Variants in VWA8 observed in about 807,000 individuals in gnomAD.
The protein encoded by VWA8 is von Willebrand factor A domain containing 8.
A neutral mutation model predicts 241.5 loss-of-function variants in VWA8; 221 were observed. The ratio of observed to expected loss-of-function variants is 0.91; its 90% confidence interval spans 0.82 to 1.02. The LOEUF is 1.02. Ranked by LOEUF, VWA8 falls within the 50% of genes least tolerant of loss-of-function variation. The probability of loss-of-function intolerance (pLI) is 0.00; values close to 1 mark genes in which losing one functional copy is unlikely to be tolerated. For synonymous variants in VWA8, 852 were observed against 827.1 expected (o/e 1.03, Z -0.52); for missense variants, 2,322 against 2,328.7 (o/e 1.00, Z 0.06).
intron 20 of VWA8, 83 bp downstream of exon 20, chr13:41,777,902 T>C (rs528941446): frequency 8.1e-7 from 1 of 1,227,356 alleles, no homozygotes; most frequent in African/African-American, 1.5e-5. Flanking sequence ...AAAAAATAAC[T>C]GATTCCAACA....
At chr13:41,798,893 A>T (rs1869823915) in intron 17 of VWA8, among the ~76,000 whole-genome samples, 1 of 152,134 alleles carries the variant, frequency 6.6e-6, no homozygotes, top group African/African-American at 2.4e-5. Flanking sequence ...TCTTTTCAAT[A>T]GTCTAATTTA....
intron 26 of VWA8, among the ~76,000 whole-genome samples, chr13:41,707,887 T>G (rs1474716031): frequency 6.6e-6 from 1 of 152,124 alleles, no homozygotes; most frequent in Non-Finnish European, 1.5e-5. Flanking sequence ...TATATTCCTT[T>G]CTGGGAAAAA....
At chr13:41,824,717 G>C (rs1871107517) in intron 14 of VWA8, among the ~76,000 whole-genome samples, 1 of 151,866 alleles carries the variant, frequency 6.6e-6, no homozygotes, top group Non-Finnish European at 1.5e-5. Flanking sequence ...TGTAGTTCCA[G>C]CTATTCAAAA....
chr13:41,569,907 C>T (rs1206000949), intron 44 of VWA8, among the ~76,000 whole-genome samples: 1 of 151,936 alleles, frequency 6.6e-6, no homozygotes, highest in Non-Finnish European at 1.5e-5. Context: ...TATGTTGTCG[C>T]CAAGTGTTTC....
chr13:41,688,783 G>A (rs1382576422), intron 34 of VWA8, among the ~76,000 whole-genome samples: 1 of 151,972 alleles, frequency 6.6e-6, no homozygotes, highest in South Asian at 2.1e-4. Flanking sequence ...GAGGACATAC[G>A]GACACAAAGA....
intron 4 of VWA8, chr13:41,905,128 C>T (rs1286269848): frequency 6.6e-6 from 1 of 152,006 alleles, no homozygotes; most frequent in Non-Finnish European, 1.5e-5. Flanking sequence ...GTGCTTGCTT[C>T]GGCAGCACAT....
chr13:41,713,231 T>C lies in VWA8; in HGVS notation c.3116+6360A>G, dbSNP rs551222286. Among the ~76,000 whole-genome samples the C allele has an allele frequency of 7.9e-5, 12 of 152,286 alleles. 1 individual carries two copies. Among genetic ancestry groups the C allele is most frequent in the African/African-American group, 2.9e-4 (12 of 41,568 alleles). On this transcript the variant is annotated intron_variant, in intron 26 of 44. Transcript: ENST00000379310. ...AAGAGGACAAAATGAAAAATTCCAG[T>C]GTCCGGAGAGTCAATAGACATTTTA...
In VWA8 at chr13:41,567,469, A is replaced by T. The variant is rs1359237677; in HGVS notation, c.*728T>A. 2 of 152,218 alleles carry T rather than the reference A, an allele frequency of 1.3e-5. No homozygotes were observed. Among genetic ancestry groups the T allele is most frequent in the Non-Finnish European group, 2.9e-5 (2 of 68,042 alleles). 9.4% of individuals were successfully genotyped at this position (152,218 alleles called of 1,614,324 possible). On this transcript the variant is annotated 3_prime_UTR_variant, in exon 45 of 45. Coordinates refer to ENST00000379310, the MANE Select transcript of VWA8 (RefSeq NM_015058.2). ...GCTAGAAGAACAGAAGAAACAGTAAACTTTTAAGGCAAGACATCTTTCTCC... is the reference window on the plus strand; with the variant it reads ...GCTAGAAGAACAGAAGAAACAGTAATCTTTTAAGGCAAGACATCTTTCTCC...
rs775115533 is a variant in VWA8, at chr13:41,907,644, T to C, written c.425A>G (p.Glu142Gly). Residue 142 changes from glutamate to glycine, a missense_variant, in exon 4 of 45, where the codon GAA (glutamate) becomes GGA (glycine). Glu to Gly is a moderately conservative substitution (Grantham distance 98). Coordinates refer to ENST00000379310, the MANE Select transcript of VWA8 (RefSeq NM_015058.2). ...EYIALSRDTT[E>G]TDLKQRREIR... ...CTCTCGTCGCTGTTTGAGATCAGTT[T>C]CAGTGGTGTCCCTTGACAGGGCAAT... 1 of 1,614,192 alleles carries C rather than the reference T, an allele frequency of 6.2e-7. No homozygotes were observed. The highest frequency in any genetic ancestry group is 1.7e-5 in the Admixed American group (1 of 60,030).
chr13:41,592,587 G>A (rs1242496158), intron 40 of VWA8, among the ~76,000 whole-genome samples: 1 of 146,324 alleles, frequency 6.8e-6, no homozygotes, highest in South Asian at 2.1e-4. Context: ...AAAAAAAGAC[G>A]TTATAGCTTT....
chr13:41,787,411 A>G, intron 18 of VWA8, 26 bp downstream of exon 18: 2 of 1,536,280 alleles, frequency 1.3e-6, no homozygotes, highest in Non-Finnish European at 1.8e-6. Flanking sequence ...TTTCACTTAA[A>G]AAAAAGAGCC....
At chr13:41,580,106 T>C (rs902274471) in intron 42 of VWA8, among the ~76,000 whole-genome samples, 7 of 151,924 alleles carry the variant, frequency 4.6e-5, no homozygotes, top group Admixed American at 4.6e-4. Flanking sequence ...AAACCCGCCC[T>C]GGCCTCCCAA....
intron 12 of VWA8, among the ~76,000 whole-genome samples, chr13:41,851,153 T>C (rs1190701195): frequency 2.0e-5 from 3 of 152,180 alleles, no homozygotes. Context: ...TTGTACCCTT[T>C]GACTAACACT....
intron 17 of VWA8, among the ~76,000 whole-genome samples, chr13:41,789,934 A>G (rs1262767997): frequency 2.0e-5 from 3 of 152,192 alleles, no homozygotes; most frequent in African/African-American, 7.2e-5. Flanking sequence ...TTAATTACTC[A>G]GGAAGGTTTT....
chr13:41,937,487 T>C (rs1593883397), intron 2 of VWA8, among the ~76,000 whole-genome samples: 1 of 152,268 alleles, frequency 6.6e-6, no homozygotes, highest in East Asian at 1.9e-4. Flanking sequence ...CCTATAAGAA[T>C]CTAATGTCAC....
In VWA8 at chr13:41,568,294, G is replaced by A. The variant is rs773225203; in HGVS notation, c.5621C>T (p.Thr1874Ile). The A allele has an allele frequency of 1.9e-6, 3 of 1,614,088 alleles. No homozygotes were observed. Among genetic ancestry groups the A allele is most frequent in the Middle Eastern group, 1.6e-4 (1 of 6,062 alleles). The change falls in exon 45 of 45, where the codon ACT (threonine) becomes ATT (isoleucine). Residue 1874 changes from threonine to isoleucine, a missense_variant. Coordinates refer to ENST00000379310, the MANE Select transcript of VWA8 (RefSeq NM_015058.2). The stretch of plus-strand genomic sequence containing the variant: ...AACGAAAGACCGACCAGCTGGTAAA[G>A]TTCTCTGAAGCCTGCCAGGATGGAA... Reference protein sequence around the residue: ...LGDQATRLQRTLPAGRSFVAM... With the variant: ...LGDQATRLQRILPAGRSFVAM...
At chr13:41,836,504 A>G (rs974905087) in intron 12 of VWA8, among the ~76,000 whole-genome samples, 2 of 152,144 alleles carry the variant, frequency 1.3e-5, no homozygotes, top group African/African-American at 4.8e-5. Context: ...GAAGCTAAAA[A>G]CTGGTAACAT....
chr13:41,856,353 A>C (rs948463741), intron 12 of VWA8, among the ~76,000 whole-genome samples: 1 of 152,132 alleles, frequency 6.6e-6, no homozygotes, highest in Non-Finnish European at 1.5e-5. Context: ...ACAAAACAAA[A>C]CAAAACAAAA....
chr13:41,639,281 G>T (rs1199602641), intron 37 of VWA8, among the ~76,000 whole-genome samples: 1 of 151,938 alleles, frequency 6.6e-6, no homozygotes, highest in Non-Finnish European at 1.5e-5. Flanking sequence ...TGAAAAAAAA[G>T]TAAGGAGGCT....
Sources: gnomAD v4.1 joint callset for allele counts (sites outside exome capture counted in the v4.1 genomes callset) on GRCh38, gnomAD v4.1.1 for gene constraint, MANE v1.5 for transcripts, NCBI Gene and HGNC (gene_info 2026-07-23, HGNC 2026-07-21) for gene names.